The following AKAP10 variants were observed in gnomAD, a reference collection of about 807,000 sequenced individuals.
The protein encoded by AKAP10 is A-kinase anchoring protein 10, also known as A-kinase anchor protein 10, mitochondrial.
A neutral mutation model predicts 80.8 loss-of-function variants in AKAP10; 24 were observed. That is an observed-to-expected ratio of 0.30 (90% confidence interval 0.22 to 0.42). The LOEUF (loss-of-function observed/expected upper bound fraction) is 0.42. Ranked by LOEUF, AKAP10 falls within the 10% of genes least tolerant of loss-of-function variation. AKAP10 has a pLI of 1.00. For missense variants in AKAP10, 661 were observed against 794.9 expected, an observed-to-expected ratio of 0.83 and a Z score of 2.03; for synonymous variants, 291 against 277.7, an observed-to-expected ratio of 1.05 and a Z score of -0.48.
chr17:19,916,207 C>T (rs77185880), intron 12 of AKAP10, among the ~76,000 whole-genome samples: 9 of 152,302 alleles, frequency 5.9e-5, no homozygotes, highest in African/African-American at 1.7e-4. Flanking sequence ...ACAACCACCT[C>T]GAAAATAGCA....
At chr17:19,936,537 C>A in intron 8 of AKAP10, 107 bp from the exon 9 acceptor site, 1 of 1,109,106 alleles carries the variant, frequency 9.0e-7, no homozygotes, top group Middle Eastern at 2.9e-4. Flanking sequence ...ATTGAGCCTG[C>A]AGGCCTAGAA....
intron 3 of AKAP10, among the ~76,000 whole-genome samples, chr17:19,961,257 G>T (rs777386635): frequency 6.6e-6 from 1 of 151,762 alleles, no homozygotes; most frequent in Non-Finnish European, 1.5e-5. Context: ...AGGAGACTGA[G>T]GGAGGATCAC....
chr17:19,926,813 C>T (rs894590589), intron 10 of AKAP10, among the ~76,000 whole-genome samples: 36 of 152,186 alleles, frequency 2.4e-4, no homozygotes, highest in Non-Finnish European at 2.5e-4. Flanking sequence ...AATTAGAAGA[C>T]AATACTGTTA....
rs762858687 is a variant in AKAP10, at chr17:19,962,829, T to A, written c.319+11A>T. On this transcript the variant is annotated intron_variant, in intron 3 of 14. Coordinates refer to ENST00000225737, the MANE Select transcript of AKAP10 (RefSeq NM_007202.4). ...TCTAATACAAGTTAATAAAAAATGA[T>A]AGTTACTTACCCAGGTCACCAAAAT... 6.2e-7 allele frequency: 1 copy of A among 1,607,644 alleles called. No homozygotes were observed. Among genetic ancestry groups the A allele is most frequent in the Non-Finnish European group, 8.5e-7 (1 of 1,176,276 alleles).
At chr17:19,952,354 C>T (rs938546709) in intron 4 of AKAP10, among the ~76,000 whole-genome samples, 1 of 151,788 alleles carries the variant, frequency 6.6e-6, no homozygotes, top group Admixed American at 6.6e-5. Flanking sequence ...ATCCCAGCTA[C>T]TTGGGAGGCT....
At chr17:19,936,211 T>G (rs1597502881) in intron 9 of AKAP10, 75 bp downstream of exon 9, 2 of 1,505,360 alleles carry the variant, frequency 1.3e-6, no homozygotes, top group Middle Eastern at 3.5e-4. Context: ...TTCTGCTTGG[T>G]TTTCCCACCT....
At chr17:19,965,625 A>G (rs1296732686) in intron 2 of AKAP10, among the ~76,000 whole-genome samples, 1 of 152,208 alleles carries the variant, frequency 6.6e-6, no homozygotes, top group Non-Finnish European at 1.5e-5. Context: ...AGAATCTCTC[A>G]TTCAAATCTT....
At chr17:19,949,985 T>A (rs935542357) in intron 4 of AKAP10, among the ~76,000 whole-genome samples, 1 of 151,630 alleles carries the variant, frequency 6.6e-6, no homozygotes, top group Non-Finnish European at 1.5e-5. Flanking sequence ...CATAAAAAGA[T>A]ACAATCAAGA....
At chr17:19,961,380 A>T (rs542913988) in intron 3 of AKAP10, among the ~76,000 whole-genome samples, 1 of 151,888 alleles carries the variant, frequency 6.6e-6, no homozygotes, top group East Asian at 1.9e-4. Context: ...AAAGAAAGAA[A>T]CTGCCTGTTT....
chr17:19,938,461 G>A (rs1244807803), intron 8 of AKAP10, among the ~76,000 whole-genome samples: 1 of 146,970 alleles, frequency 6.8e-6, no homozygotes, highest in Non-Finnish European at 1.5e-5. Context: ...GGTCTTGAAC[G>A]CCTGACCTCA....
chr17:19,943,721 T>C (rs946878866), intron 5 of AKAP10, among the ~76,000 whole-genome samples: 3 of 152,222 alleles, frequency 2.0e-5, no homozygotes, highest in Non-Finnish European at 4.4e-5. Context: ...CTCCAATTTA[T>C]AGAAGGTCAG....
intron 5 of AKAP10, among the ~76,000 whole-genome samples, chr17:19,945,475 G>T (rs953016119): frequency 6.6e-6 from 1 of 152,126 alleles, no homozygotes; most frequent in Admixed American, 6.5e-5. Context: ...CAACAACACA[G>T]AAAACCTCAA....
At position 19,924,467 on chromosome 17, in the gene AKAP10, C is replaced by T. The variant is rs748801554; in HGVS notation, c.1692G>A (p.Ala564=). The part of the protein sequence containing the change: ...SIKILKNFDE[A]IIVDAASLDP... ...CCAGACTTGCCGCATCCACAATTATCGCTTCATCAAAATTTTTCAGTATTT... is the reference window on the plus strand; with the variant it reads ...CCAGACTTGCCGCATCCACAATTATTGCTTCATCAAAATTTTTCAGTATTT... Residue 564 remains alanine (A), a synonymous_variant, in exon 11 of 15, where the codon GCG becomes GCA. Transcript: ENST00000225737. 7.5e-6 allele frequency: 12 copies of T among 1,606,600 alleles called. No homozygotes were observed. Among genetic ancestry groups the T allele is most frequent in the East Asian group, 2.2e-5 (1 of 44,602 alleles).
intron 2 of AKAP10, among the ~76,000 whole-genome samples, chr17:19,964,397 C>G (rs2043390543): frequency 6.6e-6 from 1 of 152,150 alleles, no homozygotes; most frequent in African/African-American, 2.4e-5. Context: ...GCTCATTGCT[C>G]TCATTCTTTT....
At chr17:19,920,959 C>CTT (rs57112968) in intron 11 of AKAP10, among the ~76,000 whole-genome samples, 6 of 133,282 alleles carry the variant, frequency 4.5e-5, no homozygotes, top group Non-Finnish European at 7.9e-5. Flanking sequence ...CATAGAGAAT[C>CTT]TTTTTTTTTT....
rs191417468 is a variant in AKAP10 at position 19,963,537 on chromosome 17, T to C, written c.137-515A>G. Among the ~76,000 whole-genome samples, 18 of 152,246 alleles carry C rather than the reference T, an allele frequency of 1.2e-4. No individual in the cohort carries two copies. The East Asian group carries it at 3.5e-3, about 29-fold the overall frequency. ...CGGATTATTTTTAAATCCTTAAACCTTGCTTGCTTTAGGAACAAAACTAAA... is the reference window on the plus strand; with the variant it reads ...CGGATTATTTTTAAATCCTTAAACCCTGCTTGCTTTAGGAACAAAACTAAA... On this transcript the variant is annotated intron_variant, in intron 2 of 14. Transcript: ENST00000225737.
intron 2 of AKAP10, among the ~76,000 whole-genome samples, chr17:19,966,147 A>G (rs895428394): frequency 6.6e-6 from 1 of 152,156 alleles, no homozygotes; most frequent in Admixed American, 6.6e-5. Context: ...CTCCCACCCA[A>G]CATAACAAAA....
In AKAP10 at chr17:19,905,915, C is replaced by A. The variant is rs1359238070; in HGVS notation, c.*312G>T. 8 of 339,660 alleles carry A rather than the reference C, an allele frequency of 2.4e-5. No homozygotes were observed. Among genetic ancestry groups the A allele is most frequent in the Admixed American group, 1.2e-4 (3 of 24,576 alleles). The allele number at this position is 339,660 out of a possible 1,614,324, so 21.0% of individuals were successfully genotyped here. A position where few individuals can be genotyped will look rare whatever the true frequency, so the allele number is the denominator to read the frequency against. On this transcript the variant is annotated 3_prime_UTR_variant, in exon 15 of 15. Transcript: ENST00000225737. ...GCTTCCCAGAGGATGTGGTCCCTGT[C>A]TATTCCAGTAGGCTAAAACACTCTC...
intron 14 of AKAP10, among the ~76,000 whole-genome samples, chr17:19,907,410 C>CTTTTTTTTTTTTT (rs59027197): frequency 7.3e-6 from 1 of 136,412 alleles, no homozygotes. Flanking sequence ...TTTTCTTTAA[C>CTTTTTTTTTTTTT]TTTTTTTTTT....
Sources: allele counts gnomAD v4.1 joint callset (sites outside exome capture counted in the v4.1 genomes callset), GRCh38; gene constraint gnomAD v4.1.1; transcripts MANE v1.5; gene names NCBI Gene and HGNC (gene_info 2026-07-23, HGNC 2026-07-21).